The following BCKDHA variants were observed in gnomAD, a reference collection of about 807,000 sequenced individuals.
The protein encoded by BCKDHA is 2-oxoisovalerate dehydrogenase subunit alpha, mitochondrial.
A neutral mutation model predicts 52.2 loss-of-function variants in BCKDHA; 43 were observed. That is an observed-to-expected ratio of 0.82 (90% CI 0.64 to 1.06). The LOEUF (loss-of-function observed/expected upper bound fraction) is 1.06, where lower values mean the gene tolerates loss of function less well. BCKDHA is among the 50% of genes least tolerant of loss of function. The pLI is 0.00. For synonymous variants in BCKDHA, 234 were observed against 247.9 expected, an observed-to-expected ratio of 0.94 and a Z score of 0.53; for missense variants, 527 against 621.3, an observed-to-expected ratio of 0.85 and a Z score of 1.61.
intron 5 of BCKDHA, among the ~76,000 whole-genome samples, chr19:41,420,835 AG>A (rs777662898): frequency 5.9e-5 from 9 of 152,322 alleles, no homozygotes; most frequent in Non-Finnish European, 1.3e-4. Flanking sequence ...ACTGGGTGCC[AG>A]GCCTGCACCC....
At chr19:41,412,157 T>C (rs1394999550) in intron 3 of BCKDHA, among the ~76,000 whole-genome samples, 1 of 152,052 alleles carries the variant, frequency 6.6e-6, no homozygotes, top group African/African-American at 2.4e-5. Flanking sequence ...GAGCCCTGCT[T>C]GGCTTCTCGC....
Position 41,423,256 on chromosome 19 carries a change from G to A in BCKDHA, c.1167+87G>A, listed in dbSNP as rs554816640. 23 of 1,533,384 alleles carry A rather than the reference G, an allele frequency of 1.5e-5. No individual in the cohort carries two copies. The East Asian group carries it at 4.4e-4, about 29-fold the overall frequency. The allele number at this position is 1,533,384 out of a possible 1,614,324, so 95.0% of individuals were successfully genotyped here. A position where few individuals can be genotyped will look rare whatever the true frequency, so the allele number is the denominator to read the frequency against. ...GGATTTGTGGAACACCGAACTGGGAGGCTCAGGGATAACCCCAGTGATGTC... is the reference window on the plus strand; with the variant it reads ...GGATTTGTGGAACACCGAACTGGGAAGCTCAGGGATAACCCCAGTGATGTC... On this transcript the variant is annotated intron_variant, in intron 8 of 8. Coordinates refer to ENST00000269980, the MANE Select transcript of BCKDHA (RefSeq NM_000709.4).
intron 1 of BCKDHA, 76 bp downstream of exon 1, chr19:41,398,011 C>G (rs2039095272): frequency 7.8e-7 from 1 of 1,287,492 alleles, no homozygotes. Flanking sequence ...TGTGGGGTCC[C>G]TGAAGGATAT....
At position 41,419,185 on chromosome 19, in the gene BCKDHA, T is replaced by C; in HGVS notation, c.535T>C (p.Tyr179His). ...CCTGGAACTATTCATGGCCCAGTGCTATGGCAACATCAGTGACTTGGGCAA... is the reference window on the plus strand; with the variant it reads ...CCTGGAACTATTCATGGCCCAGTGCCATGGCAACATCAGTGACTTGGGCAA... ...YPLELFMAQC[Y>H]GNISDLGKGR... The change falls in exon 5 of 9, where the codon TAT (tyrosine) becomes CAT (histidine). Residue 179 changes from tyrosine to histidine, a missense_variant. Tyr to His is a moderately conservative substitution (Grantham distance 83). Coordinates refer to ENST00000269980, the MANE Select transcript of BCKDHA (RefSeq NM_000709.4). The C allele has an allele frequency of 6.2e-7, 1 of 1,614,228 alleles. No individual in the cohort carries two copies. Among genetic ancestry groups the C allele is most frequent in the Non-Finnish European group, 8.5e-7 (1 of 1,180,030 alleles).
At chr19:41,419,317 C>G in intron 5 of BCKDHA, 21 bp downstream of exon 5, 1 of 1,604,994 alleles carries the variant, frequency 6.2e-7, no homozygotes, top group South Asian at 1.1e-5. Flanking sequence ...ATGCCCTGTA[C>G]CTTGCACATG....
intron 4 of BCKDHA, among the ~76,000 whole-genome samples, chr19:41,418,407 G>C (rs566382781): frequency 6.6e-6 from 1 of 152,328 alleles, no homozygotes; most frequent in South Asian, 2.1e-4. Context: ...CCTTTGATGG[G>C]GAGGTGGGTG....
In BCKDHA at chr19:41,412,400, C is replaced by CTTTTTTTTTTTTTTTTTTTTTTTTTT. The variant is rs1555765814; in HGVS notation, c.375+1395_375+1396insTTTTTTTTTTTTTTTTTTTTTTTTTT. Reference sequence around the variant, plus strand: ...TATTTCTTTTTTTTTTTTTTTTTTACTTTTGAGATGGAGTTTTGCTCTTGT... The same window carrying CTTTTTTTTTTTTTTTTTTTTTTTTTT: ...TATTTCTTTTTTTTTTTTTTTTTTACTTTTTTTTTTTTTTTTTTTTTTTTTTTTTTGAGATGGAGTTTTGCTCTTGT... On this transcript the variant is annotated intron_variant, in intron 3 of 8. Transcript: ENST00000269980. 4.6e-3 allele frequency among the ~76,000 whole-genome samples: 266 copies of CTTTTTTTTTTTTTTTTTTTTTTTTTT among 58,076 alleles called. 1 individual carries two copies. The highest frequency in any genetic ancestry group is 0.011 in the Middle Eastern group (1 of 90). The allele number at this position is 58,076 out of a possible 152,430, so 38.1% of individuals were successfully genotyped here. A position where few individuals can be genotyped will look rare whatever the true frequency, so the allele number is the denominator to read the frequency against.
At chr19:41,410,537 A>G (rs1349384663) in intron 1 of BCKDHA, 100 bp from the exon 2 acceptor site, 9 of 1,382,006 alleles carry the variant, frequency 6.5e-6, no homozygotes, top group African/African-American at 2.9e-5. Flanking sequence ...CTGGGGCCAC[A>G]TGCTCAACCA....
chr19:41,399,940 C>G (rs2051877494), intron 1 of BCKDHA: 2 of 152,084 alleles, frequency 1.3e-5, no homozygotes, highest in African/African-American at 4.8e-5. Flanking sequence ...CATGCACTAT[C>G]ACGCCTGGCT....
chr19:41,400,322 C>G (rs1395958403), intron 1 of BCKDHA: 1 of 152,016 alleles, frequency 6.6e-6, no homozygotes, highest in Non-Finnish European at 1.5e-5. Flanking sequence ...TCACTGCAAC[C>G]TCCACTTCCC....
chr19:41,422,032 G>A (rs1599960275), intron 5 of BCKDHA, 132 bp from the exon 6 acceptor site: 1 of 863,056 alleles, frequency 1.2e-6, no homozygotes, highest in Non-Finnish European at 1.9e-6. Flanking sequence ...AGGAGCTGAG[G>A]TGTTTCCTTT....
At position 41,401,725 on chromosome 19, in the gene BCKDHA, G is replaced by A. The variant is rs185692809; in HGVS notation, c.108+3790G>A. Among the ~76,000 whole-genome samples the A allele has an allele frequency of 2.0e-5, 3 of 152,304 alleles. No individual in the cohort carries two copies. The East Asian group carries it at 5.8e-4, about 29-fold the overall frequency. Reference sequence around the variant, plus strand: ...CTACCCCAGGCCTGGGCTTGGCTAAGTCATTTCACCTCTCTGACCCTAGCT... The same window carrying A: ...CTACCCCAGGCCTGGGCTTGGCTAAATCATTTCACCTCTCTGACCCTAGCT... On this transcript the variant is annotated intron_variant, in intron 1 of 8. Transcript: ENST00000269980.
chr19:41,404,826 T>C (rs1412593390), intron 1 of BCKDHA, among the ~76,000 whole-genome samples: 1 of 151,978 alleles, frequency 6.6e-6, no homozygotes. Flanking sequence ...GGTCATGAAC[T>C]CCTGACCTTA....
At chr19:41,418,671 C>T (rs1009815165) in intron 4 of BCKDHA, 11 of 435,900 alleles carry the variant, frequency 2.5e-5, no homozygotes, top group African/African-American at 2.2e-4. Flanking sequence ...GCTGGAACCA[C>T]AGGCACACAT....
At chr19:41,422,396 AC>A in intron 6 of BCKDHA, 26 bp downstream of exon 6, 2 of 1,612,362 alleles carry the variant, frequency 1.2e-6, no homozygotes, top group Non-Finnish European at 1.7e-6. Context: ...GCTGCTCCCC[AC>A]CCCGCTGGGA....
chr19:41,415,116 T>G (rs1054750484), intron 4 of BCKDHA, among the ~76,000 whole-genome samples: 5 of 152,326 alleles, frequency 3.3e-5, no homozygotes, highest in East Asian at 3.9e-4. Flanking sequence ...TGGACCAGCA[T>G]GGCTTGCAGC....
rs766357034 is a variant in BCKDHA at position 41,422,252 on chromosome 19, C to T, written c.735C>T (p.Asp245=). ...GCGAGGGGGCAGCCAGTGAGGGGGACGCCCATGCCGGCTTCAACTTCGCTG... is the reference window on the plus strand; with the variant it reads ...GCGAGGGGGCAGCCAGTGAGGGGGATGCCCATGCCGGCTTCAACTTCGCTG... ...YFGEGAASEG[D]AHAGFNFAAT... The change falls in exon 6 of 9, where the codon GAC becomes GAT. Residue 245 remains aspartate, a synonymous_variant. Transcript: ENST00000269980. 19 of 1,614,074 alleles carry T rather than the reference C, an allele frequency of 1.2e-5. No homozygotes were observed. Among genetic ancestry groups the T allele is most frequent in the Admixed American group, 3.3e-5 (2 of 60,012 alleles).
At chr19:41,407,140 A>G (rs1314543340) in intron 1 of BCKDHA, among the ~76,000 whole-genome samples, 1 of 151,970 alleles carries the variant, frequency 6.6e-6, no homozygotes, top group African/African-American at 2.4e-5. Flanking sequence ...ACCTTCCTAG[A>G]TTTTGTTTTT....
At chr19:41,424,156 G>A (rs1051961363) in intron 8 of BCKDHA, among the ~76,000 whole-genome samples, 2 of 152,180 alleles carry the variant, frequency 1.3e-5, no homozygotes, top group Admixed American at 6.5e-5. Flanking sequence ...AGCACCGTGT[G>A]TCCTGTCCCT....
Sources: gnomAD v4.1 joint callset for allele counts (sites outside exome capture counted in the v4.1 genomes callset) on GRCh38, gnomAD v4.1.1 for gene constraint, MANE v1.5 for transcripts, NCBI Gene and HGNC (gene_info 2026-07-23, HGNC 2026-07-21) for gene names.